Variants in CCDC30 observed in about 807,000 individuals in gnomAD.
The protein encoded by CCDC30 is coiled-coil domain containing 30, also known as coiled-coil domain-containing protein 30.
A neutral mutation model predicts 100.2 loss-of-function variants in CCDC30; 70 were observed. That is an observed-to-expected ratio of 0.70 (90% CI 0.58 to 0.85). The LOEUF (loss-of-function observed/expected upper bound fraction) is 0.85. CCDC30 is among the 40% of genes least tolerant of loss of function. The pLI is 0.00. For missense variants in CCDC30, 652 were observed against 771.2 expected, an observed-to-expected ratio of 0.85 and a Z score of 1.83; for synonymous variants, 233 against 269.5, an observed-to-expected ratio of 0.86 and a Z score of 1.33.
chr1:42,620,831 A>G (rs931992702), intron 11 of CCDC30, among the ~76,000 whole-genome samples: 2 of 152,220 alleles, frequency 1.3e-5, no homozygotes, highest in African/African-American at 4.8e-5. Flanking sequence ...AGCCAGGTGG[A>G]AGAGATGAAC....
intron 11 of CCDC30, among the ~76,000 whole-genome samples, chr1:42,618,324 C>A (rs558347894): frequency 6.6e-6 from 1 of 151,028 alleles, no homozygotes; most frequent in African/African-American, 2.4e-5. Flanking sequence ...GCAACCTCCG[C>A]CTCTCAGGTT....
intron 1 of CCDC30, among the ~76,000 whole-genome samples, chr1:42,475,865 A>G (rs1481886049): frequency 3.3e-5 from 5 of 152,038 alleles, no homozygotes; most frequent in Non-Finnish European, 5.9e-5. Context: ...AGGGGAGGCA[A>G]AACTTTACCT....
chr1:42,539,974 C>T (rs1644981270), intron 6 of CCDC30, among the ~76,000 whole-genome samples: 1 of 151,776 alleles, frequency 6.6e-6, no homozygotes, highest in Middle Eastern at 3.4e-3. Flanking sequence ...CCCATCTAGT[C>T]CAATACTAGA....
At chr1:42,492,083 G>A in intron 4 of CCDC30, 1 of 339,572 alleles carries the variant, frequency 2.9e-6, no homozygotes, top group Admixed American at 4.0e-5. Context: ...AAAAATGGCA[G>A]ACCATGATTG....
intron 7 of CCDC30, among the ~76,000 whole-genome samples, chr1:42,575,080 T>C (rs1055892761): frequency 6.6e-6 from 1 of 152,198 alleles, no homozygotes; most frequent in African/African-American, 2.4e-5. Context: ...TATAATCTGA[T>C]TGGTTAATAT....
intron 11 of CCDC30, among the ~76,000 whole-genome samples, chr1:42,619,935 A>G (rs1457809961): frequency 1.3e-5 from 2 of 152,222 alleles, no homozygotes; most frequent in African/African-American, 4.8e-5. Flanking sequence ...TTACAAGGAT[A>G]TAGGACTCCC....
intron 1 of CCDC30, among the ~76,000 whole-genome samples, chr1:42,471,094 G>T (rs1422136125): frequency 6.6e-6 from 1 of 152,168 alleles, no homozygotes; most frequent in Admixed American, 6.5e-5. Flanking sequence ...TAGCCATGAG[G>T]ATGGGCAGCT....
At chr1:42,595,808 A>G (rs924287688) in intron 10 of CCDC30, among the ~76,000 whole-genome samples, 15 of 152,192 alleles carry the variant, frequency 9.9e-5, no homozygotes, top group African/African-American at 2.9e-4. Flanking sequence ...TATTCCTGCT[A>G]TCATGCACCT....
rs1432904976 is a variant in CCDC30 at position 42,580,707 on chromosome 1, G to A, written c.847-653G>A. 1.2e-5 allele frequency: 4 copies of A among 323,706 alleles called. No individual in the cohort carries two copies. In the East Asian group the frequency reaches 3.9e-4, roughly 32 times the overall value. 20.1% of individuals were successfully genotyped at this position (323,706 alleles called of 1,614,324 possible). The stretch of plus-strand genomic sequence containing the variant: ...GTCATATAAACTCTAAAATATAACA[G>A]TCTCTCTTTCAAATTTGTAAATCAT... On this transcript the variant is annotated intron_variant, in intron 8 of 16. Transcript: ENST00000668663.
chr1:42,644,887 C>T (rs1647763080), intron 14 of CCDC30, 80 bp downstream of exon 18: 1 of 884,692 alleles, frequency 1.1e-6, no homozygotes, highest in Admixed American at 1.8e-5. Context: ...CTCTTGCCTT[C>T]ATCTTTATAT....
exon 10 of CCDC30, chr1:42,589,332 A>G: frequency 6.2e-7 from 1 of 1,602,054 alleles, no homozygotes; most frequent in Non-Finnish European, 8.5e-7. Flanking sequence ...AAACTTCTAT[A>G]TCAGAACGTA....
chr1:42,582,337 G>A (rs770339150), intron 9 of CCDC30, among the ~76,000 whole-genome samples: 1 of 152,164 alleles, frequency 6.6e-6, no homozygotes, highest in Non-Finnish European at 1.5e-5. Flanking sequence ...TGAGAATCCT[G>A]GGAGTTTAAC....
chr1:42,473,431 C>CTT, intron 1 of CCDC30: 14 of 380,054 alleles, frequency 3.7e-5, no homozygotes, highest in South Asian at 1.3e-4. Context: ...ACGTGTAGAC[C>CTT]TTTTTTTTTT....
intron 6 of CCDC30, among the ~76,000 whole-genome samples, chr1:42,520,250 G>A (rs72659940): frequency 0.14 from 20,740 of 145,174 alleles, 1,557 homozygotes; most frequent in East Asian, 0.19. Flanking sequence ...CAAATTTCCC[G>A]CCTTCACTTT....
At position 42,472,355 on chromosome 1, in the gene CCDC30, A is replaced by G. The variant is rs76351992; in HGVS notation, c.-91-8106A>G. Among the ~76,000 whole-genome samples the G allele has an allele frequency of 7.9e-3, 1,200 of 152,344 alleles. 71 individuals carry two copies. In the East Asian group the frequency reaches 0.13, roughly 17 times the overall value. On this transcript the variant is annotated intron_variant, in intron 1 of 16. Transcript: ENST00000668663. ...CTGTCATACTGCAAACTGTTATGTC[A>G]TGATTACTTGCAACCTAAAAAAATT...
intron 11 of CCDC30, among the ~76,000 whole-genome samples, chr1:42,626,292 G>A (rs1008608412): frequency 6.6e-6 from 1 of 151,994 alleles, no homozygotes; most frequent in African/African-American, 2.4e-5. Flanking sequence ...ATTGAGTCTT[G>A]CTTTTTAATC....
intron 6 of CCDC30, among the ~76,000 whole-genome samples, chr1:42,509,226 C>T (rs1411274863): frequency 2.6e-5 from 4 of 152,296 alleles, no homozygotes; most frequent in African/African-American, 7.2e-5. Flanking sequence ...GCTGAACCAA[C>T]TCTGGAAGGA....
intron 8 of CCDC30, among the ~76,000 whole-genome samples, chr1:42,577,672 G>A (rs766735878): frequency 6.6e-6 from 1 of 151,624 alleles, no homozygotes. Context: ...AGGGAGTCTC[G>A]CTCTGTCACC....
At chr1:42,524,604 C>T (rs568064503) in intron 6 of CCDC30, among the ~76,000 whole-genome samples, 1 of 152,206 alleles carries the variant, frequency 6.6e-6, no homozygotes, top group East Asian at 1.9e-4. Context: ...ACACAAATCC[C>T]CAATACTTAA....
Sources: gnomAD v4.1 joint callset for allele counts (sites outside exome capture counted in the v4.1 genomes callset) on GRCh38, gnomAD v4.1.1 for gene constraint, MANE v1.5 for transcripts, NCBI Gene and HGNC (gene_info 2026-07-23, HGNC 2026-07-21) for gene names.